PLCB1: variants seen among roughly 807,000 people sequenced by gnomAD.
The protein encoded by PLCB1 is phospholipase C beta 1, also known as 1-phosphatidylinositol 4,5-bisphosphate phosphodiesterase beta-1.
In PLCB1, 46 loss-of-function variants were observed where a neutral mutation model predicts 161.8. The observed-to-expected ratio is 0.28, with a 90% CI of 0.22 to 0.36. The LOEUF (loss-of-function observed/expected upper bound fraction) is 0.36. PLCB1 is among the 10% of genes least tolerant of loss of function. PLCB1 has a pLI of 1.00. For missense variants in PLCB1, 1,016 were observed against 1,472.5 expected (o/e 0.69, Z 5.07); for synonymous variants, 517 against 503.7 (o/e 1.03, Z -0.35).
intron 3 of PLCB1, among the ~76,000 whole-genome samples, chr20:8,488,931 A>T (rs1398863009): frequency 6.6e-6 from 1 of 152,240 alleles, no homozygotes; most frequent in Non-Finnish European, 1.5e-5. Flanking sequence ...TATGAAAAAT[A>T]TAACATGGCA....
Position 8,882,016 on chromosome 20 carries a change from C to A in PLCB1, c.*167C>A. 1 of 602,530 alleles carries A rather than the reference C, an allele frequency of 1.7e-6. No homozygotes were observed. The highest frequency in any genetic ancestry group is 2.9e-6 in the Non-Finnish European group (1 of 339,964). 37.3% of individuals were successfully genotyped at this position (602,530 alleles called of 1,614,324 possible). A position where few individuals can be genotyped will look rare whatever the true frequency, so the allele number is the denominator to read the frequency against. On this transcript the variant is annotated 3_prime_UTR_variant, in exon 32 of 32. Transcript: ENST00000338037. ...GGAATCCATGAAGAATTCCCATGCC[C>A]AGGCTCCATGTGTCATGTGGAAACC... is the stretch of plus-strand genomic sequence containing the variant.
intron 2 of PLCB1, among the ~76,000 whole-genome samples, chr20:8,211,571 A>C (rs897485102): frequency 6.6e-6 from 1 of 152,114 alleles, no homozygotes; most frequent in Non-Finnish European, 1.5e-5. Context: ...AGGGATATAG[A>C]TTGGTCTATA....
At chr20:8,332,364 G>GA (rs1985396622) in intron 2 of PLCB1, among the ~76,000 whole-genome samples, 1 of 152,152 alleles carries the variant, frequency 6.6e-6, no homozygotes, top group Admixed American at 6.5e-5. Flanking sequence ...GGCTAAGGTG[G>GA]AAAAACCTAA....
At chr20:8,503,460 T>G (rs6086473) in intron 3 of PLCB1, among the ~76,000 whole-genome samples, 8 of 151,876 alleles carry the variant, frequency 5.3e-5, no homozygotes, top group Non-Finnish European at 8.8e-5. Context: ...TCTCTCTTAC[T>G]TGCAGGGTTA....
At chr20:8,681,955 C>T (rs530606862) in intron 9 of PLCB1, among the ~76,000 whole-genome samples, 5 of 152,150 alleles carry the variant, frequency 3.3e-5, no homozygotes, top group South Asian at 4.2e-4. Context: ...ACACCAGGGA[C>T]GACAAAGATA....
Position 8,215,263 on chromosome 20 carries a change from C to T in PLCB1, c.177+64892C>T, listed in dbSNP as rs142984663. Among the ~76,000 whole-genome samples the T allele has an allele frequency of 4.9e-4, 75 of 151,846 alleles. No individual in the cohort carries two copies. The East Asian group carries it at 0.012, about 24-fold the overall frequency. ...TCAGATGTATCTGCTTCTTAAATTT[C>T]GGAATCGATTTGTTAATCTCAAAAG... On this transcript the variant is annotated intron_variant, in intron 2 of 31. Coordinates refer to ENST00000338037, the MANE Select transcript of PLCB1 (RefSeq NM_015192.4).
At chr20:8,281,413 CTG>C (rs1196312901) in intron 2 of PLCB1, among the ~76,000 whole-genome samples, 5 of 151,910 alleles carry the variant, frequency 3.3e-5, no homozygotes, top group African/African-American at 7.3e-5. Context: ...GTCATGGACT[CTG>C]TTCATAATTC....
At chr20:8,629,291 C>T (rs1225092448) in intron 4 of PLCB1, among the ~76,000 whole-genome samples, 2 of 152,000 alleles carry the variant, frequency 1.3e-5, no homozygotes, top group African/African-American at 2.4e-5. Flanking sequence ...TATTCAATTA[C>T]GGATTAGAAA....
chr20:8,162,386 G>T (rs1375755449), intron 2 of PLCB1, among the ~76,000 whole-genome samples: 4 of 152,118 alleles, frequency 2.6e-5, no homozygotes, highest in Non-Finnish European at 4.4e-5. Context: ...GGATACAAAG[G>T]CAGATGTTAT....
chr20:8,670,114 A>G (rs959188600), intron 9 of PLCB1, among the ~76,000 whole-genome samples: 7 of 152,172 alleles, frequency 4.6e-5, no homozygotes, highest in African/African-American at 1.7e-4. Context: ...ATACAAATCC[A>G]TGTTCCAAAC....
At chr20:8,475,600 CT>C (rs576749335) in intron 3 of PLCB1, among the ~76,000 whole-genome samples, 153 of 152,270 alleles carry the variant, frequency 1.0e-3, no homozygotes, top group African/African-American at 3.4e-3. Context: ...TACACCTTGT[CT>C]TTTTAAAACC....
chr20:8,225,671 C>A (rs1330040961), intron 2 of PLCB1, among the ~76,000 whole-genome samples: 1 of 152,168 alleles, frequency 6.6e-6, no homozygotes, highest in Non-Finnish European at 1.5e-5. Flanking sequence ...GCACAATGGG[C>A]AATTTTAGCT....
chr20:8,344,015 A>T (rs1985905730), intron 2 of PLCB1, among the ~76,000 whole-genome samples: 1 of 152,148 alleles, frequency 6.6e-6, no homozygotes, highest in Non-Finnish European at 1.5e-5. Context: ...AGCCAGAGAG[A>T]GGCTGTTCTG....
At chr20:8,230,056 C>CAAAAAAAAAA (rs547874616) in intron 2 of PLCB1, among the ~76,000 whole-genome samples, 5 of 58,878 alleles carry the variant, frequency 8.5e-5, no homozygotes, top group Admixed American at 3.0e-4. Flanking sequence ...GACTTGGCAG[C>CAAAAAAAAAA]AAAAAAAAAA....
At chr20:8,514,416 C>T (rs1388461246) in intron 3 of PLCB1, among the ~76,000 whole-genome samples, 2 of 140,534 alleles carry the variant, frequency 1.4e-5, no homozygotes, top group African/African-American at 2.7e-5. Flanking sequence ...CTCCAGCCTG[C>T]GCTGGGCAAC....
rs115159092 is a variant in PLCB1 at position 8,248,109 on chromosome 20, G to A, written c.177+97738G>A. Among the ~76,000 whole-genome samples, 440 of 151,984 alleles carry A rather than the reference G, an allele frequency of 2.9e-3. 1 individual carries two copies. Among genetic ancestry groups the A allele is most frequent in the African/African-American group, 9.9e-3 (409 of 41,486 alleles). Reference sequence around the variant, plus strand: ...CTCAGGAGAGACTGGCAGAGGAGCAGGCCAAGGAAGGGAAAGAAGACACAT... The same window carrying A: ...CTCAGGAGAGACTGGCAGAGGAGCAAGCCAAGGAAGGGAAAGAAGACACAT... On this transcript the variant is annotated intron_variant, in intron 2 of 31. Transcript: ENST00000338037.
At chr20:8,810,527 A>G (rs1984764409) in intron 31 of PLCB1, among the ~76,000 whole-genome samples, 1 of 152,184 alleles carries the variant, frequency 6.6e-6, no homozygotes, top group South Asian at 2.1e-4. Flanking sequence ...AAATTTTAGA[A>G]TCATGAATTT....
intron 3 of PLCB1, among the ~76,000 whole-genome samples, chr20:8,373,335 T>C (rs1260685151): frequency 6.6e-6 from 1 of 152,208 alleles, no homozygotes; most frequent in Non-Finnish European, 1.5e-5. Flanking sequence ...ATTACCTGTG[T>C]GGCTTTCCTG....
intron 2 of PLCB1, among the ~76,000 whole-genome samples, chr20:8,267,462 C>T (rs1600274514): frequency 2.0e-5 from 3 of 152,104 alleles, no homozygotes; most frequent in African/African-American, 7.2e-5. Context: ...AGGGTGGACT[C>T]CAGCTGAGGC....
Sources: allele counts gnomAD v4.1 joint callset (sites outside exome capture counted in the v4.1 genomes callset), GRCh38; gene constraint gnomAD v4.1.1; transcripts MANE v1.5; gene names NCBI Gene and HGNC (gene_info 2026-07-23, HGNC 2026-07-21).